Variants in NPFFR2 observed in about 807,000 individuals in gnomAD.
The protein encoded by NPFFR2 is G-protein coupled receptor 74.
A neutral mutation model predicts 13.1 loss-of-function variants in NPFFR2; 15 were observed. The observed-to-expected ratio is 1.15, with a 90% CI of 0.77 to 1.76. The LOEUF (loss-of-function observed/expected upper bound fraction) is 1.76. NPFFR2 is among the 40% of genes most tolerant of loss of function. The pLI, the probability that NPFFR2 is intolerant of heterozygous loss-of-function variation, is 0.00. For missense variants in NPFFR2, 572 were observed against 503.5 expected (o/e 1.14, Z -1.30); for synonymous variants, 190 against 175.7 (o/e 1.08, Z -0.65).
At chr4:72,088,396 T>A (rs1451572863) in intron 1 of NPFFR2, among the ~76,000 whole-genome samples, 1 of 151,988 alleles carries the variant, frequency 6.6e-6, no homozygotes, top group African/African-American at 2.4e-5. Flanking sequence ...GAGCAGATTT[T>A]AAAAAAATTA....
At chr4:72,118,445 G>A (rs542352395) in intron 1 of NPFFR2, among the ~76,000 whole-genome samples, 10 of 151,974 alleles carry the variant, frequency 6.6e-5, no homozygotes, top group African/African-American at 2.2e-4. Context: ...AATCACAAAG[G>A]GATTAAATAA....
intron 1 of NPFFR2, among the ~76,000 whole-genome samples, chr4:72,075,547 G>A (rs1720400286): frequency 6.6e-6 from 1 of 152,104 alleles, no homozygotes; most frequent in East Asian, 1.9e-4. Flanking sequence ...TATAACTAAG[G>A]AAACAGTGGA....
chr4:72,116,469 G>T (rs192473923), intron 1 of NPFFR2, among the ~76,000 whole-genome samples: 27 of 151,894 alleles, frequency 1.8e-4, no homozygotes. Context: ...TGTGTACTAT[G>T]CTCACTACCT....
At chr4:72,090,370 G>T (rs1720885482) in intron 1 of NPFFR2, among the ~76,000 whole-genome samples, 1 of 152,004 alleles carries the variant, frequency 6.6e-6, no homozygotes, top group South Asian at 2.1e-4. Flanking sequence ...ATTGATGATG[G>T]TATTTTGATG....
At chr4:72,049,137 A>G (rs1012972804) in intron 1 of NPFFR2, among the ~76,000 whole-genome samples, 2 of 152,262 alleles carry the variant, frequency 1.3e-5, no homozygotes, top group African/African-American at 4.8e-5. Flanking sequence ...GAAAGTGAAT[A>G]ATAAAGACAA....
chr4:72,091,566 T>A (rs149113092), intron 1 of NPFFR2, among the ~76,000 whole-genome samples: 2 of 152,084 alleles, frequency 1.3e-5, no homozygotes, highest in East Asian at 3.9e-4. Flanking sequence ...TCTAGGAGGG[T>A]TGTACATATC....
chr4:72,094,737 A>C (rs889999081), intron 1 of NPFFR2, among the ~76,000 whole-genome samples: 1 of 152,160 alleles, frequency 6.6e-6, no homozygotes, highest in Admixed American at 6.5e-5. Flanking sequence ...CCAGGTTACA[A>C]GCCTCCTAGC....
Position 72,038,905 on chromosome 4 carries a change from C to CTTT in NPFFR2, c.-8+6724_-8+6726dup, listed in dbSNP as rs1158358179. The stretch of plus-strand genomic sequence containing the variant: ...AATTCTTGATTTTTAAATTTCCTTT[C>CTTT]TTTTTTTTTTTTTTTTTTTTTGAGA... On this transcript the variant is annotated intron_variant, in intron 1 of 3. Transcript: ENST00000308744. Among the ~76,000 whole-genome samples the CTTT allele has an allele frequency of 5.2e-3, 440 of 84,604 alleles. 5 individuals carry two copies. Among genetic ancestry groups the CTTT allele is most frequent in the African/African-American group, 0.012 (251 of 21,240 alleles). 55.5% of individuals were successfully genotyped at this position (84,604 alleles called of 152,430 possible). A position where few individuals can be genotyped will look rare whatever the true frequency, so the allele number is the denominator to read the frequency against.
intron 1 of NPFFR2, among the ~76,000 whole-genome samples, chr4:72,041,230 T>C (rs1180940557): frequency 6.6e-6 from 1 of 152,334 alleles, no homozygotes; most frequent in South Asian, 2.1e-4. Context: ...CTCCCTCTTA[T>C]AAGTGAGAAC....
At chr4:72,117,535 T>G (rs1311352554) in intron 1 of NPFFR2, among the ~76,000 whole-genome samples, 2 of 152,320 alleles carry the variant, frequency 1.3e-5, no homozygotes, top group South Asian at 4.1e-4. Context: ...CACTGTAAGC[T>G]CACTCCAGAA....
In NPFFR2 at chr4:72,066,991, A is replaced by G. The variant is rs535418342; in HGVS notation, c.-8+34791A>G. Among the ~76,000 whole-genome samples the G allele has an allele frequency of 1.8e-4, 27 of 151,922 alleles. 1 individual carries two copies. Among genetic ancestry groups the G allele is most frequent in the Admixed American group, 8.5e-4 (13 of 15,266 alleles). ...CTGGGGGCTCTCTGCAGTGGCCCCA[A>G]CCCCTCGGCTCTGCTGGGCTTTTCC... On this transcript the variant is annotated intron_variant, in intron 1 of 3. Transcript: ENST00000308744.
At chr4:72,043,972 T>A (rs1326888450) in intron 1 of NPFFR2, among the ~76,000 whole-genome samples, 2 of 152,120 alleles carry the variant, frequency 1.3e-5, no homozygotes, top group Non-Finnish European at 2.9e-5. Context: ...CCACGTGTAA[T>A]GAAGGAGATG....
Position 72,147,392 on chromosome 4 carries a change from G to A in NPFFR2, c.843G>A (p.Leu281=), listed in dbSNP as rs1485616551. 1 of 1,614,000 alleles carries A rather than the reference G, an allele frequency of 6.2e-7. No individual in the cohort carries two copies. The highest frequency in any genetic ancestry group is 1.3e-5 in the African/African-American group (1 of 74,924). ...KIIKMLLIVA[L]LFILSWLPLW... ...TTAAGATGCTCCTGATTGTGGCCCT[G>A]CTTTTTATTCTCTCATGGCTGCCCC... Residue 281 remains leucine (L), a synonymous_variant, in exon 4 of 4, where the codon CTG becomes CTA. Coordinates refer to ENST00000308744, the MANE Select transcript of NPFFR2 (RefSeq NM_004885.3).
At chr4:72,083,201 A>G (rs1396470345) in intron 1 of NPFFR2, among the ~76,000 whole-genome samples, 1 of 152,150 alleles carries the variant, frequency 6.6e-6, no homozygotes, top group Non-Finnish European at 1.5e-5. Context: ...CTTTGACTCT[A>G]TACCCATAAG....
intron 1 of NPFFR2, among the ~76,000 whole-genome samples, chr4:72,127,176 T>C (rs565992645): frequency 9.5e-4 from 142 of 149,212 alleles, no homozygotes; most frequent in African/African-American, 3.4e-3. Flanking sequence ...TGGTGGCGGG[T>C]GCCTGTAGTC....
At chr4:72,056,758 G>A (rs1354829998) in intron 1 of NPFFR2, among the ~76,000 whole-genome samples, 1 of 151,968 alleles carries the variant, frequency 6.6e-6, no homozygotes, top group African/African-American at 2.4e-5. Flanking sequence ...GATCTTCAGG[G>A]ATGATTTTGA....
intron 1 of NPFFR2, among the ~76,000 whole-genome samples, chr4:72,098,405 A>G (rs1420547628): frequency 6.6e-6 from 1 of 152,208 alleles, no homozygotes; most frequent in African/African-American, 2.4e-5. Context: ...CATGTGGCCC[A>G]GGATAGCTTT....
intron 3 of NPFFR2, among the ~76,000 whole-genome samples, chr4:72,143,495 A>G (rs1722692688): frequency 2.0e-5 from 3 of 152,224 alleles, no homozygotes; most frequent in African/African-American, 7.2e-5. Context: ...TCAGGCCCTC[A>G]GATGACTGGA....
At chr4:72,145,394 G>T (rs1443223762) in intron 3 of NPFFR2, among the ~76,000 whole-genome samples, 1 of 150,844 alleles carries the variant, frequency 6.6e-6, no homozygotes, top group Non-Finnish European at 1.5e-5. Context: ...AATAGTGTCT[G>T]CTATACTCCA....
Sources: allele counts gnomAD v4.1 joint callset (sites outside exome capture counted in the v4.1 genomes callset), GRCh38; gene constraint gnomAD v4.1.1; transcripts MANE v1.5; gene names NCBI Gene and HGNC (gene_info 2026-07-23, HGNC 2026-07-21).